The following CDK6 variants were observed in gnomAD, a reference collection of about 807,000 sequenced individuals.
CDK6 encodes cyclin-dependent kinase 6.
In CDK6, 6 loss-of-function variants were observed where a neutral mutation model predicts 37.1. That is an observed-to-expected ratio of 0.16 (90% CI 0.09 to 0.32). CDK6 has a LOEUF of 0.32. Ranked by LOEUF, CDK6 falls within the 10% of genes least tolerant of loss-of-function variation. The pLI, the probability that CDK6 is intolerant of heterozygous loss-of-function variation, is 1.00. For missense variants in CDK6, 224 were observed against 418.9 expected (o/e 0.53, Z 4.06); for synonymous variants, 160 against 161.3 (o/e 0.99, Z 0.06).
At chr7:92,643,524 T>C (rs1447370475) in intron 5 of CDK6, among the ~76,000 whole-genome samples, 1 of 152,076 alleles carries the variant, frequency 6.6e-6, no homozygotes, top group Admixed American at 6.5e-5. Context: ...ATGAAGAAAA[T>C]AAGATATGCT....
intron 2 of CDK6, among the ~76,000 whole-genome samples, chr7:92,796,100 A>G (rs1484075671): frequency 6.6e-6 from 1 of 151,818 alleles, no homozygotes; most frequent in Non-Finnish European, 1.5e-5. Flanking sequence ...GAAAAAAAAA[A>G]AAAAACTCAT....
intron 3 of CDK6, among the ~76,000 whole-genome samples, chr7:92,752,140 TAAG>T (rs1799204030): frequency 6.6e-6 from 1 of 152,150 alleles, no homozygotes; most frequent in African/African-American, 2.4e-5. Context: ...ATCTGTAAAA[TAAG>T]GACAGTGCTG....
chr7:92,642,895 A>ATT (rs546349753), intron 5 of CDK6, among the ~76,000 whole-genome samples: 8 of 142,550 alleles, frequency 5.6e-5, no homozygotes, highest in Non-Finnish European at 9.3e-5. Context: ...TGAAAAAAGA[A>ATT]TTTTTTTTTT....
chr7:92,728,966 G>A (rs962185750), intron 3 of CDK6, among the ~76,000 whole-genome samples: 1 of 152,128 alleles, frequency 6.6e-6, no homozygotes, highest in Non-Finnish European at 1.5e-5. Context: ...ACCCCTCTCA[G>A]TCTTTAGCCA....
intron 2 of CDK6, among the ~76,000 whole-genome samples, chr7:92,799,925 C>A (rs1800526118): frequency 6.6e-6 from 1 of 152,132 alleles, no homozygotes; most frequent in African/African-American, 2.4e-5. Context: ...AAACTGAGTT[C>A]ATCATTGTCC....
chr7:92,780,946 T>G (rs1157023350), intron 2 of CDK6, among the ~76,000 whole-genome samples: 1 of 152,154 alleles, frequency 6.6e-6, no homozygotes, highest in Admixed American at 6.5e-5. Flanking sequence ...AAATACCATT[T>G]CAAGAATTAC....
In CDK6 at chr7:92,613,278, A is replaced by G. The variant is rs1280442893; in HGVS notation, c.*1862T>C. 4.3e-6 allele frequency: 1 copy of G among 233,200 alleles called. No homozygotes were observed. The highest frequency in any genetic ancestry group is 8.5e-6 in the Non-Finnish European group (1 of 118,054). 14.4% of individuals were successfully genotyped at this position (233,200 alleles called of 1,614,324 possible). On this transcript the variant is annotated 3_prime_UTR_variant, in exon 8 of 8. Coordinates refer to ENST00000424848, the MANE Select transcript of CDK6 (RefSeq NM_001145306.2). ...ATTAAGCTGCAAAGAATTCAGTACA[A>G]CTTAATAATGCATAAACATGATCTG...
chr7:92,702,272 G>GC (rs2116663198), intron 4 of CDK6, among the ~76,000 whole-genome samples: 1 of 103,078 alleles, frequency 9.7e-6, no homozygotes, highest in African/African-American at 3.9e-5. Flanking sequence ...TTACTCTGTC[G>GC]CCCAGGCTGG....
At chr7:92,723,910 C>CAAAA (rs576591781) in intron 4 of CDK6, among the ~76,000 whole-genome samples, 40 of 83,740 alleles carry the variant, frequency 4.8e-4, no homozygotes, top group African/African-American at 1.3e-3. Context: ...ATTTAATAAG[C>CAAAA]AAAAAAAAAA....
At chr7:92,701,768 T>C (rs1797852980) in intron 4 of CDK6, 1 of 152,380 alleles carries the variant, frequency 6.6e-6, no homozygotes, top group South Asian at 2.1e-4. Context: ...ATGCTAATCT[T>C]CTCTGTATCG....
chr7:92,616,952 G>A (rs1795695910), intron 7 of CDK6, among the ~76,000 whole-genome samples: 1 of 152,208 alleles, frequency 6.6e-6, no homozygotes, highest in Non-Finnish European at 1.5e-5. Flanking sequence ...GAACAAGGTT[G>A]CCAGGTTGAG....
At chr7:92,812,000 A>T (rs1408607441) in intron 2 of CDK6, among the ~76,000 whole-genome samples, 1 of 152,014 alleles carries the variant, frequency 6.6e-6, no homozygotes, top group Non-Finnish European at 1.5e-5. Flanking sequence ...AAAATACAAA[A>T]ATTAGCTATG....
intron 2 of CDK6, among the ~76,000 whole-genome samples, chr7:92,778,946 T>A (rs113137868): frequency 0.013 from 1,718 of 133,546 alleles, 43 homozygotes; most frequent in South Asian, 0.029. Flanking sequence ...TATATATATA[T>A]AAGATATTAT....
chr7:92,699,100 T>C (rs966856308), intron 4 of CDK6, among the ~76,000 whole-genome samples: 1 of 152,228 alleles, frequency 6.6e-6, no homozygotes, highest in African/African-American at 2.4e-5. Flanking sequence ...AACTGATATC[T>C]TCCTTTTGCA....
At chr7:92,771,338 G>A (rs1363862547) in intron 3 of CDK6, among the ~76,000 whole-genome samples, 5 of 145,840 alleles carry the variant, frequency 3.4e-5, no homozygotes, top group African/African-American at 7.5e-5. Flanking sequence ...ACGTGACTCC[G>A]TCTCAAAAAA....
chr7:92,661,425 T>C (rs1796832172), intron 5 of CDK6, among the ~76,000 whole-genome samples: 1 of 152,152 alleles, frequency 6.6e-6, no homozygotes, highest in Non-Finnish European at 1.5e-5. Context: ...AACTTTTGAC[T>C]CCCCTAAGAC....
At chr7:92,737,545 T>C (rs1311012142) in intron 3 of CDK6, among the ~76,000 whole-genome samples, 1 of 152,208 alleles carries the variant, frequency 6.6e-6, no homozygotes, top group East Asian at 1.9e-4. Context: ...AGGTGCTTTT[T>C]ATAGGATAAT....
chr7:92,616,350 A>C (rs1004462835), intron 7 of CDK6, among the ~76,000 whole-genome samples: 4 of 152,190 alleles, frequency 2.6e-5, no homozygotes, highest in African/African-American at 7.2e-5. Flanking sequence ...ACTGACCTAG[A>C]AAAACAAATA....
chr7:92,654,643 C>T (rs1288659997), intron 5 of CDK6, among the ~76,000 whole-genome samples: 2 of 151,942 alleles, frequency 1.3e-5, no homozygotes, highest in Non-Finnish European at 2.9e-5. Context: ...GCGTCTTACC[C>T]GAGAGAGCAA....
Sources: gnomAD v4.1 joint callset for allele counts (sites outside exome capture counted in the v4.1 genomes callset) on GRCh38, gnomAD v4.1.1 for gene constraint, MANE v1.5 for transcripts, NCBI Gene and HGNC (gene_info 2026-07-23, HGNC 2026-07-21) for gene names.